Variants in DRD2 observed in about 807,000 individuals in gnomAD.
DRD2 encodes the protein D(2) dopamine receptor.
In DRD2, 8 loss-of-function variants were observed where a neutral mutation model predicts 38.0. That is an observed-to-expected ratio of 0.21 (90% confidence interval 0.12 to 0.38). The LOEUF is 0.38. Ranked by LOEUF, DRD2 falls within the 10% of genes least tolerant of loss-of-function variation. The pLI is 1.00. For missense variants in DRD2, 403 were observed against 607.7 expected (o/e 0.66, Z 3.54); for synonymous variants, 230 against 238.6 (o/e 0.96, Z 0.33).
chr11:113,456,106 AGCC>A (rs1057069403), intron 1 of DRD2, among the ~76,000 whole-genome samples: 1 of 152,262 alleles, frequency 6.6e-6, no homozygotes, highest in Non-Finnish European at 1.5e-5. Context: ...AATACAATCC[AGCC>A]TTTACAAAGA....
Position 113,432,597 on chromosome 11 carries a change from C to T in DRD2, c.-31-7915G>A, listed in dbSNP as rs193246228. Among the ~76,000 whole-genome samples, 13 of 152,216 alleles carry T rather than the reference C, an allele frequency of 8.5e-5. No homozygotes were observed. The East Asian group carries it at 2.1e-3, about 25-fold the overall frequency. The stretch of plus-strand genomic sequence containing the variant: ...TCATTTTTTCCTCTTTTCTGAGATG[C>T]AAAGCATTTCAATGAAAAAGTAGAG... On this transcript the variant is annotated intron_variant, in intron 1 of 7. Transcript: ENST00000362072.
intron 4 of DRD2, 91 bp downstream of exon 4, chr11:113,416,772 T>A: frequency 6.5e-7 from 1 of 1,548,786 alleles, no homozygotes. Context: ...TCCACCCATA[T>A]CTGTGCCAGG....
At chr11:113,474,805 G>T (rs534377884) in intron 1 of DRD2, among the ~76,000 whole-genome samples, 64 of 151,966 alleles carry the variant, frequency 4.2e-4, no homozygotes, top group African/African-American at 1.5e-3. Context: ...CCCCAGCTGC[G>T]CCCGCTCGTG....
In DRD2 at chr11:113,410,447, T is replaced by G; in HGVS notation, c.*280A>C. On this transcript the variant is annotated 3_prime_UTR_variant, in exon 8 of 8. Transcript: ENST00000362072. ...GCGGCTGCATCTTTGGTGCCAAGGA[T>G]AGGGGGACTGGAGGTGGGAGGGGGG... 5.6e-6 allele frequency: 3 copies of G among 540,070 alleles called. No individual in the cohort carries two copies. The highest frequency in any genetic ancestry group is 3.2e-5 in the East Asian group (1 of 31,014). The allele number at this position is 540,070 out of a possible 1,614,324, so 33.5% of individuals were successfully genotyped here.
intron 1 of DRD2, among the ~76,000 whole-genome samples, chr11:113,431,985 G>A (rs192750440): frequency 8.5e-4 from 129 of 152,308 alleles, no homozygotes; most frequent in Admixed American, 1.3e-3. Flanking sequence ...GAGTGGGCAG[G>A]CCTTCTGGGG....
chr11:113,442,008 A>AT (rs1161428265), intron 1 of DRD2, among the ~76,000 whole-genome samples: 2 of 152,066 alleles, frequency 1.3e-5, no homozygotes, highest in Admixed American at 6.5e-5. Context: ...TATATGGTGA[A>AT]TTTTTTCAGA....
At chr11:113,458,162 C>T (rs1951284464) in intron 1 of DRD2, among the ~76,000 whole-genome samples, 1 of 152,246 alleles carries the variant, frequency 6.6e-6, no homozygotes, top group Non-Finnish European at 1.5e-5. Context: ...TAAATGGTGC[C>T]TAACCTGGGT....
At chr11:113,468,440 T>C (rs1270906470) in intron 1 of DRD2, among the ~76,000 whole-genome samples, 1 of 152,262 alleles carries the variant, frequency 6.6e-6, no homozygotes, top group Non-Finnish European at 1.5e-5. Context: ...TATTTGTGCC[T>C]GAAATAACTG....
At position 113,423,549 on chromosome 11, in the gene DRD2, C is replaced by G. The variant is rs1285660204; in HGVS notation, c.285+818G>C. Among the ~76,000 whole-genome samples the G allele has an allele frequency of 2.0e-5, 3 of 152,338 alleles. No individual in the cohort carries two copies. In the East Asian group the frequency reaches 5.8e-4, roughly 29 times the overall value. On this transcript the variant is annotated intron_variant, in intron 2 of 7. Transcript: ENST00000362072. Reference sequence around the variant, plus strand: ...TCGGCCTCCCAAAGTGCTAGGATTACAGGCGTGAGCCACCGTGCTCGGCCT... The same window carrying G: ...TCGGCCTCCCAAAGTGCTAGGATTAGAGGCGTGAGCCACCGTGCTCGGCCT...
At chr11:113,457,134 C>T (rs558546700) in intron 1 of DRD2, among the ~76,000 whole-genome samples, 44 of 152,256 alleles carry the variant, frequency 2.9e-4, no homozygotes, top group African/African-American at 7.9e-4. Flanking sequence ...ACGTAGGTAG[C>T]GGCCGGGAAG....
In DRD2 at chr11:113,417,754, G is replaced by A. The variant is rs767171307; in HGVS notation, c.395+273C>T. 6.6e-5 allele frequency among the ~76,000 whole-genome samples: 10 copies of A among 152,216 alleles called. No homozygotes were observed. The South Asian group carries it at 1.7e-3, about 25-fold the overall frequency. Reference sequence around the variant, plus strand: ...AAGATGTGCTAGAGCTAGGGCTTCCGTCAGAATCACAATCTTTCCCCTTTT... The same window carrying A: ...AAGATGTGCTAGAGCTAGGGCTTCCATCAGAATCACAATCTTTCCCCTTTT... On this transcript the variant is annotated intron_variant, in intron 3 of 7. Transcript: ENST00000362072.
At chr11:113,473,600 C>G (rs1308733032) in intron 1 of DRD2, among the ~76,000 whole-genome samples, 1 of 152,206 alleles carries the variant, frequency 6.6e-6, no homozygotes, top group Non-Finnish European at 1.5e-5. Flanking sequence ...CTAACCCTCC[C>G]AAACCACTTC....
intron 1 of DRD2, among the ~76,000 whole-genome samples, chr11:113,441,417 T>G (rs11214607): frequency 0.16 from 24,446 of 152,184 alleles, 2,394 homozygotes; most frequent in East Asian, 0.36. Flanking sequence ...ACATTTAGCT[T>G]GCATACAGGA....
intron 1 of DRD2, among the ~76,000 whole-genome samples, chr11:113,426,506 A>C (rs1211531358): frequency 6.6e-6 from 1 of 152,236 alleles, no homozygotes; most frequent in Non-Finnish European, 1.5e-5. Context: ...TTGCTACTGC[A>C]AATTGAAAAC....
intron 1 of DRD2, among the ~76,000 whole-genome samples, chr11:113,436,610 A>G (rs534864042): frequency 6.6e-6 from 1 of 152,170 alleles, no homozygotes; most frequent in Admixed American, 6.5e-5. Flanking sequence ...GAATTATATG[A>G]AAATAGCATA....
At chr11:113,422,128 G>A (rs1265493805) in intron 2 of DRD2, among the ~76,000 whole-genome samples, 2 of 152,152 alleles carry the variant, frequency 1.3e-5, no homozygotes, top group Non-Finnish European at 2.9e-5. Flanking sequence ...GTTCCTCTGG[G>A]AAGAGGGTAC....
At position 113,412,452 on chromosome 11, in the gene DRD2, G is replaced by A. The variant is rs1950777736; in HGVS notation, c.1138+104C>T. ...GTCAATGGGCTTGGCCTGTGCCTGA[G>A]GAAATGCTAGCCCCATGATCCTGCA... On this transcript the variant is annotated intron_variant, in intron 7 of 7. Transcript: ENST00000362072. 26 of 1,437,530 alleles carry A rather than the reference G, an allele frequency of 1.8e-5. No homozygotes were observed. In the South Asian group the frequency reaches 2.7e-4, roughly 15 times the overall value. The allele number at this position is 1,437,530 out of a possible 1,614,324, so 89.0% of individuals were successfully genotyped here.
intron 1 of DRD2, among the ~76,000 whole-genome samples, chr11:113,452,469 T>TGCGTGC (rs1555167776): frequency 1.7e-5 from 2 of 118,784 alleles, no homozygotes; most frequent in Non-Finnish European, 3.4e-5. Context: ...TGTGTGTGTG[T>TGCGTGC]GCGCGCGCGC....
intron 1 of DRD2, among the ~76,000 whole-genome samples, chr11:113,461,657 CA>C (rs1951320185): frequency 6.6e-6 from 1 of 152,166 alleles, no homozygotes; most frequent in East Asian, 1.9e-4. Flanking sequence ...CTGGGTAATT[CA>C]CTTGGCCTAC....
Sources: gnomAD v4.1 joint callset for allele counts (sites outside exome capture counted in the v4.1 genomes callset) on GRCh38, gnomAD v4.1.1 for gene constraint, MANE v1.5 for transcripts, NCBI Gene and HGNC (gene_info 2026-07-23, HGNC 2026-07-21) for gene names.